The following CYP4F12 variants were observed in gnomAD, a reference collection of about 807,000 sequenced individuals.
CYP4F12 encodes cytochrome P450 4F12.
CYP4F12 carries 60 observed loss-of-function variants against 56.5 expected under a neutral mutation model. The ratio of observed to expected loss-of-function variants is 1.06; its 90% CI spans 0.86 to 1.32. The LOEUF is 1.32. Among genes scored for constraint, CYP4F12 ranks in the 40% most tolerant of loss-of-function variants. The probability of loss-of-function intolerance (pLI) is 0.00; values close to 1 mark genes in which losing one functional copy is unlikely to be tolerated. For missense variants in CYP4F12, 711 were observed against 683.5 expected (o/e 1.04, Z -0.45); for synonymous variants, 263 against 264.9 (o/e 0.99, Z 0.07).
chr19:15,687,102 C>T (rs945747096), intron 9 of CYP4F12, among the ~76,000 whole-genome samples: 15 of 152,120 alleles, frequency 9.9e-5, no homozygotes, highest in African/African-American at 3.6e-4. Flanking sequence ...ACGGTGAAAC[C>T]CCGTCTCTAC....
chr19:15,692,402 T>C (rs548036507), intron 9 of CYP4F12, among the ~76,000 whole-genome samples: 1 of 152,336 alleles, frequency 6.6e-6, no homozygotes, highest in African/African-American at 2.4e-5. Context: ...TATATTATTA[T>C]GACTAGTATC....
At position 15,683,489 on chromosome 19, in the gene CYP4F12, G is replaced by A. The variant is rs2007421718; in HGVS notation, c.648-4G>A. On this transcript the variant is annotated splice_polypyrimidine_tract_variant and splice_region_variant and intron_variant, in intron 6 of 12. Transcript: ENST00000550308. ...TTGCCTCCCTTTCTGCCCTTGCTCT[G>A]CAGGAGGCCCAGTGAATATATTGCC... The A allele has an allele frequency of 2.5e-6, 4 of 1,588,672 alleles. No homozygotes were observed. The South Asian group carries it at 3.4e-5, about 14-fold the overall frequency.
intron 9 of CYP4F12, among the ~76,000 whole-genome samples, chr19:15,694,253 G>A (rs2008017576): frequency 1.3e-5 from 2 of 151,934 alleles, no homozygotes; most frequent in African/African-American, 4.8e-5. Context: ...GATGGGGATG[G>A]CATTGAATCT....
At chr19:15,683,791 G>A (rs776455520) in intron 7 of CYP4F12, 28 bp downstream of exon 7, 1 of 1,511,346 alleles carries the variant, frequency 6.6e-7, no homozygotes, top group Non-Finnish European at 8.8e-7. Context: ...CTGAATTTAG[G>A]TGAGAGAATA....
chr19:15,688,747 G>T (rs615574), intron 9 of CYP4F12, among the ~76,000 whole-genome samples: 42,914 of 151,892 alleles, frequency 0.28, 6,544 homozygotes, highest in African/African-American at 0.4. Flanking sequence ...CATGGTACTG[G>T]TATAAAAGTA....
intron 9 of CYP4F12, among the ~76,000 whole-genome samples, chr19:15,695,546 G>C (rs2008088113): frequency 6.7e-6 from 1 of 149,366 alleles, no homozygotes; most frequent in South Asian, 2.1e-4. Context: ...TTTTTCCCTT[G>C]CCTAATTGCA....
intron 3 of CYP4F12, among the ~76,000 whole-genome samples, chr19:15,679,816 G>A (rs529109923): frequency 1.2e-4 from 18 of 152,322 alleles, no homozygotes; most frequent in African/African-American, 4.1e-4. Flanking sequence ...GGACATTTAA[G>A]AAATCACATT....
chr19:15,695,596 A>T (rs1357501527), intron 9 of CYP4F12, among the ~76,000 whole-genome samples: 3 of 152,028 alleles, frequency 2.0e-5, no homozygotes, highest in Non-Finnish European at 4.4e-5. Context: ...TAAGAGCAAA[A>T]CATTGGATCT....
At chr19:15,676,243 G>T (rs1171003888) in intron 2 of CYP4F12, among the ~76,000 whole-genome samples, 9 of 152,028 alleles carry the variant, frequency 5.9e-5, no homozygotes, top group Non-Finnish European at 1.5e-5. Flanking sequence ...ATGGTGGCTG[G>T]GGTCTGGGAA....
chr19:15,695,556 A>G (rs1459266956), intron 9 of CYP4F12, among the ~76,000 whole-genome samples: 2 of 151,384 alleles, frequency 1.3e-5, no homozygotes, highest in Non-Finnish European at 2.9e-5. Context: ...GCCTAATTGC[A>G]CTTGCTGGTA....
chr19:15,684,798 GTCTTGCTTTCTCTTCAGGA>G lies in CYP4F12; in HGVS notation c.919-16_921del, dbSNP rs775208148. 2.1e-6 allele frequency: 3 copies of G among 1,453,724 alleles called. No homozygotes were observed. In the East Asian group the frequency reaches 6.8e-5, roughly 33 times the overall value. 90.1% of individuals were successfully genotyped at this position (1,453,724 alleles called of 1,614,324 possible). Reference sequence around the variant, plus strand: ...TGTGTGTGTGTGTGTGTGTGTGTGTGTCTTGCTTTCTCTTCAGGATGAAGATGGGAAGGCATTGTCAGAT... The same window carrying G: ...TGTGTGTGTGTGTGTGTGTGTGTGTGTGAAGATGGGAAGGCATTGTCAGAT... On this transcript the variant is annotated splice_acceptor_variant and splice_polypyrimidine_tract_variant and coding_sequence_variant and intron_variant, in exon 8 of 13. Coordinates refer to ENST00000550308, the MANE Select transcript of CYP4F12 (RefSeq NM_023944.4). LOFTEE classifies it high-confidence loss of function.
intron 9 of CYP4F12, among the ~76,000 whole-genome samples, chr19:15,692,411 T>A (rs1052111792): frequency 2.6e-5 from 4 of 152,220 alleles, no homozygotes; most frequent in Non-Finnish European, 4.4e-5. Context: ...ATGACTAGTA[T>A]CTTTTCTTTT....
intron 1 of CYP4F12, 152 bp downstream of exon 1, chr19:15,673,287 G>A: frequency 1.6e-6 from 1 of 627,186 alleles, no homozygotes. Flanking sequence ...TTCAGGTGGG[G>A]CCCTTCTGGA....
chr19:15,678,600 C>T (rs1027434587), intron 3 of CYP4F12, 195 bp downstream of exon 3: 33 of 717,540 alleles, frequency 4.6e-5, no homozygotes, highest in Middle Eastern at 8.1e-4. Context: ...CAATTCAGGG[C>T]CCTTTCTGGA....
rs1248286052 is a variant in CYP4F12, at chr19:15,696,081, C to T, written c.1249+12C>T. 8 of 1,612,312 alleles carry T rather than the reference C, an allele frequency of 5.0e-6. No individual in the cohort carries two copies. Among genetic ancestry groups the T allele is most frequent in the Non-Finnish European group, 5.9e-6 (7 of 1,178,916 alleles). Reference sequence around the variant, plus strand: ...AGTCATCCCCAAAGGTGCCCACAGCCTCAGGGGGAGAAGCCTCCCGGGTAG... The same window carrying T: ...AGTCATCCCCAAAGGTGCCCACAGCTTCAGGGGGAGAAGCCTCCCGGGTAG... On this transcript the variant is annotated intron_variant, in intron 10 of 12. Transcript: ENST00000550308.
intron 6 of CYP4F12, among the ~76,000 whole-genome samples, chr19:15,682,853 A>G (rs114415206): frequency 0.017 from 2,598 of 152,074 alleles, 2 homozygotes; most frequent in African/African-American, 0.06. Context: ...GATGGATGTG[A>G]TAAGAGCTGA....
chr19:15,693,371 T>C lies in CYP4F12; in HGVS notation c.1116-2565T>C, dbSNP rs377184031. Reference sequence around the variant, plus strand: ...CTTGATCTTAAATGTTTATAAACGTTTTCCAGTGGGGCCTCTAGTGTTTTC... The same window carrying C: ...CTTGATCTTAAATGTTTATAAACGTCTTCCAGTGGGGCCTCTAGTGTTTTC... On this transcript the variant is annotated intron_variant, in intron 9 of 12. Transcript: ENST00000550308. Among the ~76,000 whole-genome samples the C allele has an allele frequency of 5.3e-5, 8 of 152,308 alleles. No homozygotes were observed. In the East Asian group the frequency reaches 1.5e-3, roughly 29 times the overall value.
chr19:15,680,489 G>T lies in CYP4F12; in HGVS notation c.495G>T (p.Thr165=), dbSNP rs141478890. ...TCAACATCCTGAAGTCCTATATAAC[G>T]ATCTTCAACAAGAGTGCAAACATCA... The part of the protein sequence containing the change: ...FHFNILKSYI[T]IFNKSANIML... The change falls in exon 5 of 13, where the codon ACG becomes ACT. Residue 165 remains threonine (T), a synonymous_variant. Transcript: ENST00000550308. 17 of 1,614,144 alleles carry T rather than the reference G, an allele frequency of 1.1e-5. No homozygotes were observed. Among genetic ancestry groups the T allele is most frequent in the Middle Eastern group, 3.3e-4 (2 of 6,062 alleles).
chr19:15,678,030 C>T (rs371152597), intron 2 of CYP4F12, among the ~76,000 whole-genome samples: 1 of 130,536 alleles, frequency 7.7e-6, no homozygotes, highest in African/African-American at 3.2e-5. Context: ...TCCTTCCTCT[C>T]CACACTCACT....
Sources: allele counts gnomAD v4.1 joint callset (sites outside exome capture counted in the v4.1 genomes callset), GRCh38; gene constraint gnomAD v4.1.1; transcripts MANE v1.5; gene names NCBI Gene and HGNC (gene_info 2026-07-23, HGNC 2026-07-21).